Variants in FANCB observed in about 807,000 individuals in gnomAD.
FANCB encodes the protein Fanconi anemia group B protein.
FANCB carries 5 observed loss-of-function variants against 38.9 expected under a neutral mutation model. That is an observed-to-expected ratio of 0.13 (90% CI 0.07 to 0.27). The LOEUF (loss-of-function observed/expected upper bound fraction) is 0.27, where lower values mean the gene tolerates loss of function less well. FANCB is among the 10% of genes least tolerant of loss of function. The probability of loss-of-function intolerance (pLI) is 1.00; values close to 1 mark genes in which losing one functional copy is unlikely to be tolerated. For synonymous variants in FANCB, 236 were observed against 215.4 expected (o/e 1.10, Z -0.84); for missense variants, 573 against 602.7 (o/e 0.95, Z 0.52).
At chrX:14,804,488 G>A in the FANCB span, among the ~76,000 whole-genome samples, 3 of 111,323 alleles carry the variant, frequency 2.7e-5, no homozygotes, top group South Asian at 1.1e-3. Flanking sequence ...CTGTTGTGGG[G>A]TGAGGGGAGC....
chrX:14,786,291 C>T, the FANCB span, among the ~76,000 whole-genome samples: 42 of 111,042 alleles, frequency 3.8e-4, no homozygotes, highest in Non-Finnish European at 6.8e-4. Flanking sequence ...GGGAGATAGG[C>T]GCTTCAGTCC....
the FANCB span, among the ~76,000 whole-genome samples, chrX:14,782,690 A>T: frequency 1.2e-4 from 13 of 112,250 alleles, no homozygotes; most frequent in Non-Finnish European, 2.3e-4. Context: ...GCCACAGGGA[A>T]GAAGGCAGAG....
At chrX:14,829,548 T>G in the FANCB span, among the ~76,000 whole-genome samples, 7 of 111,764 alleles carry the variant, frequency 6.3e-5, no homozygotes, top group African/African-American at 2.0e-4. Flanking sequence ...TACCTTTATT[T>G]GTGACCTTAG....
the FANCB span, among the ~76,000 whole-genome samples, chrX:14,825,327 G>A: frequency 9.0e-6 from 1 of 110,850 alleles, no homozygotes; most frequent in Non-Finnish European, 1.9e-5. Flanking sequence ...TTTCCTCTGG[G>A]GCTTCAATTG....
the FANCB span, among the ~76,000 whole-genome samples, chrX:14,770,749 T>C: frequency 8.9e-6 from 1 of 112,272 alleles, no homozygotes; most frequent in Admixed American, 9.4e-5. Context: ...TGTACTTCAG[T>C]GTGTTTTTGT....
intron 2 of FANCB, among the ~76,000 whole-genome samples, chrX:14,867,032 G>T (rs1160420177): frequency 9.0e-6 from 1 of 111,021 alleles, no homozygotes; most frequent in African/African-American, 3.3e-5. Flanking sequence ...TAACCAAAAA[G>T]GTCAATGATC....
At chrX:14,810,430 C>T in the FANCB span, among the ~76,000 whole-genome samples, 1,581 of 111,444 alleles carry the variant, frequency 0.014, 25 homozygotes, top group African/African-American at 0.042. Flanking sequence ...AAAATTTAGA[C>T]GAATGTATAG....
chrX:14,724,206 C>T, the FANCB span, among the ~76,000 whole-genome samples: 1 of 111,912 alleles, frequency 8.9e-6, no homozygotes, highest in African/African-American at 3.2e-5. Context: ...AATTTGTTTA[C>T]TTGTTACTGT....
At chrX:14,797,859 C>T in the FANCB span, among the ~76,000 whole-genome samples, 2 of 110,857 alleles carry the variant, frequency 1.8e-5, no homozygotes, top group South Asian at 3.9e-4. Flanking sequence ...GGCTACCACC[C>T]CTAGCCTTTT....
chrX:14,853,842 A>G (rs1026271147), intron 5 of FANCB, among the ~76,000 whole-genome samples: 4 of 112,122 alleles, frequency 3.6e-5, no homozygotes, highest in African/African-American at 1.3e-4. Context: ...TAAAACATTC[A>G]CAGAATATAG....
chrX:14,832,911 A>G (rs2092330902), downstream of FANCB, among the ~76,000 whole-genome samples: 2 of 111,969 alleles, frequency 1.8e-5, no homozygotes, highest in African/African-American at 6.5e-5. Context: ...TCATGTGTAA[A>G]TTTGTTTTGA....
chrX:14,770,882 T>C, the FANCB span, among the ~76,000 whole-genome samples: 73 of 111,967 alleles, frequency 6.5e-4, no homozygotes, highest in African/African-American at 2.3e-3. Context: ...TATTTCTCCT[T>C]TGCTTATGAA....
At chrX:14,803,776 C>A in the FANCB span, among the ~76,000 whole-genome samples, 1 of 110,643 alleles carries the variant, frequency 9.0e-6, no homozygotes, top group Non-Finnish European at 1.9e-5. Context: ...AAATTACCAA[C>A]AAATTTACAA....
the FANCB span, among the ~76,000 whole-genome samples, chrX:14,706,957 G>A: frequency 0.027 from 3,000 of 111,595 alleles, 100 homozygotes; most frequent in African/African-American, 0.092. Context: ...GACCTGAGAC[G>A]CCTTAATTCA....
chrX:14,816,253 T>C, the FANCB span, among the ~76,000 whole-genome samples: 1 of 112,226 alleles, frequency 8.9e-6, no homozygotes, highest in African/African-American at 3.2e-5. Context: ...TGGCAAATAT[T>C]AGTAATGTCT....
intron 6 of FANCB, among the ~76,000 whole-genome samples, chrX:14,851,098 T>C (rs2092399576): frequency 8.9e-6 from 1 of 112,648 alleles, no homozygotes; most frequent in East Asian, 2.8e-4. Flanking sequence ...AGACTACTTA[T>C]AGCTTATTGC....
At chrX:14,754,647 T>A in the FANCB span, among the ~76,000 whole-genome samples, 1 of 111,336 alleles carries the variant, frequency 9.0e-6, no homozygotes, top group Admixed American at 9.5e-5. Context: ...AATCTCAGAA[T>A]AACAGTCATT....
chrX:14,834,767 T>C, downstream of FANCB: 8 of 623,580 alleles, frequency 1.3e-5, no homozygotes, highest in Non-Finnish European at 2.1e-5. Context: ...TAGTATCTTG[T>C]ATAGATTTCT....
the FANCB span, among the ~76,000 whole-genome samples, chrX:14,714,171 G>A: frequency 9.1e-6 from 1 of 110,352 alleles, no homozygotes; most frequent in Non-Finnish European, 1.9e-5. Flanking sequence ...TGTAGGGGAG[G>A]CTAGAATATT....
Sources: gnomAD v4.1 joint callset for allele counts (sites outside exome capture counted in the v4.1 genomes callset) on GRCh38, gnomAD v4.1.1 for gene constraint, MANE v1.5 for transcripts, NCBI Gene and HGNC (gene_info 2026-07-23, HGNC 2026-07-21) for gene names.